The following ZBBX variants were observed in gnomAD, a reference collection of about 807,000 sequenced individuals.
ZBBX encodes the protein zinc finger B-box domain containing.
A neutral mutation model predicts 108.5 loss-of-function variants in ZBBX; 101 were observed. The ratio of observed to expected loss-of-function variants is 0.93; its 90% CI spans 0.79 to 1.10. The LOEUF (loss-of-function observed/expected upper bound fraction) is 1.10, where lower values mean the gene tolerates loss of function less well. ZBBX is among the 50% of genes least tolerant of loss of function. The probability of loss-of-function intolerance (pLI) is 0.00; values close to 1 mark genes in which losing one functional copy is unlikely to be tolerated. For missense variants in ZBBX, 1,009 were observed against 941.4 expected (o/e 1.07, Z -0.94); for synonymous variants, 356 against 323.4 (o/e 1.10, Z -1.08).
chr3:167,282,704 G>T, intron 19 of ZBBX: 1 of 452,098 alleles, frequency 2.2e-6, no homozygotes, highest in Non-Finnish European at 3.9e-6. Context: ...ACACTTCTGT[G>T]TATTTTTTTC....
At chr3:167,195,468 AC>A in the ZBBX span, among the ~76,000 whole-genome samples, 1 of 152,158 alleles carries the variant, frequency 6.6e-6, no homozygotes, top group Non-Finnish European at 1.5e-5. Flanking sequence ...TGCCAAACTA[AC>A]CCTTTTCCAA....
chr3:167,286,251 T>C (rs1729667744), intron 19 of ZBBX, among the ~76,000 whole-genome samples: 1 of 152,076 alleles, frequency 6.6e-6, no homozygotes, highest in South Asian at 2.1e-4. Flanking sequence ...AAAGTAAATG[T>C]GGCTACAGTG....
At chr3:167,367,174 A>C (rs554726823) in intron 5 of ZBBX, among the ~76,000 whole-genome samples, 1 of 152,004 alleles carries the variant, frequency 6.6e-6, no homozygotes, top group Non-Finnish European at 1.5e-5. Context: ...AGTACCAGCA[A>C]ACGGACATGA....
chr3:167,375,609 G>A (rs1026958990), intron 2 of ZBBX, among the ~76,000 whole-genome samples: 4 of 151,386 alleles, frequency 2.6e-5, no homozygotes, highest in African/African-American at 9.7e-5. Context: ...AAAAAAAAAA[G>A]AATCCATTAT....
chr3:167,207,371 T>A, the ZBBX span, among the ~76,000 whole-genome samples: 1 of 152,162 alleles, frequency 6.6e-6, no homozygotes, highest in African/African-American at 2.4e-5. Context: ...AGATAATGTG[T>A]TTTTTCCTAG....
At position 167,248,688 on chromosome 3, in the gene ZBBX, G is replaced by T. The variant is rs749912001; in HGVS notation, c.2255-6045C>A. The T allele has an allele frequency of 7.2e-5, 33 of 456,426 alleles. No homozygotes were observed. In the Admixed American group the frequency reaches 7.3e-4, roughly 10 times the overall value. The allele number at this position is 456,426 out of a possible 1,614,324, so 28.3% of individuals were successfully genotyped here. On this transcript the variant is annotated intron_variant, in intron 20 of 21. Transcript: ENST00000675490. The stretch of plus-strand genomic sequence containing the variant: ...CAAGGTTTGAAGGATTCAAAGCCAG[G>T]CAACAGGTATAATGTAAATGGGCAG...
chr3:167,387,656 G>A (rs895546430), intron 1 of ZBBX, among the ~76,000 whole-genome samples: 1 of 151,966 alleles, frequency 6.6e-6, no homozygotes, highest in African/African-American at 2.4e-5. Context: ...GAGAAGAGGT[G>A]GAAGGAAGTC....
At chr3:167,188,315 A>T in the ZBBX span, among the ~76,000 whole-genome samples, 2 of 152,138 alleles carry the variant, frequency 1.3e-5, no homozygotes, top group African/African-American at 4.8e-5. Flanking sequence ...GATAGATATA[A>T]AATATGTATT....
chr3:167,266,030 C>T (rs975674611), intron 20 of ZBBX, among the ~76,000 whole-genome samples: 36 of 152,186 alleles, frequency 2.4e-4, no homozygotes, highest in African/African-American at 7.7e-4. Flanking sequence ...CCTCTTTCCA[C>T]AACATGAAGT....
intron 18 of ZBBX, among the ~76,000 whole-genome samples, chr3:167,294,982 C>G (rs1485679153): frequency 2.0e-5 from 3 of 152,092 alleles, no homozygotes; most frequent in Non-Finnish European, 4.4e-5. Context: ...CATATCAAAA[C>G]CACAATGAGA....
intron 9 of ZBBX, among the ~76,000 whole-genome samples, chr3:167,338,370 C>A (rs1214211217): frequency 1.3e-5 from 2 of 151,996 alleles, no homozygotes; most frequent in Admixed American, 1.3e-4. Context: ...GAAGTTAAAG[C>A]CCAAGAATAA....
At chr3:167,263,383 T>C (rs1407511423) in intron 20 of ZBBX, among the ~76,000 whole-genome samples, 1 of 152,204 alleles carries the variant, frequency 6.6e-6, no homozygotes. Flanking sequence ...ATTTCTCTCC[T>C]ACTGCTTTCA....
At chr3:167,368,934 G>A (rs1240757303) in intron 4 of ZBBX, 1 of 179,278 alleles carries the variant, frequency 5.6e-6, no homozygotes, top group African/African-American at 2.4e-5. Context: ...TGCCTCCAAT[G>A]TAGTCAAGTA....
chr3:167,405,798 G>A (rs1242085036), intron 1 of ZBBX, among the ~76,000 whole-genome samples: 2 of 152,178 alleles, frequency 1.3e-5, no homozygotes, highest in South Asian at 2.1e-4. Flanking sequence ...CAGGCCGAGC[G>A]TGGTGGCTGA....
At chr3:167,362,377 G>T (rs967289643) in intron 6 of ZBBX, among the ~76,000 whole-genome samples, 1 of 151,962 alleles carries the variant, frequency 6.6e-6, no homozygotes, top group African/African-American at 2.4e-5. Context: ...TGCCACTGGG[G>T]TCAGAATATG....
At chr3:167,356,241 C>A (rs959120650) in intron 8 of ZBBX, among the ~76,000 whole-genome samples, 2 of 152,056 alleles carry the variant, frequency 1.3e-5, no homozygotes, top group African/African-American at 4.8e-5. Context: ...TTACAAATTT[C>A]TGGACAGCAA....
At position 167,240,916 on chromosome 3, in the gene ZBBX, A is replaced by G. The variant is rs371486956; in HGVS notation, c.2397T>C (p.Cys799=). 3 of 1,612,698 alleles carry G rather than the reference A, an allele frequency of 1.9e-6. No homozygotes were observed. Among genetic ancestry groups the G allele is most frequent in the African/African-American group, 2.7e-5 (2 of 74,876 alleles). The change falls in exon 22 of 22, where the codon TGT becomes TGC. Residue 799 remains cysteine (C), a synonymous_variant. Coordinates refer to ENST00000675490, the MANE Select transcript of ZBBX (RefSeq NM_001199201.2). Reference sequence around the variant, plus strand: ...ACTGAATTTTGGTATCTCTTCCAGAACAGCTGAAAATACATAACAAGATCA... The same window carrying G: ...ACTGAATTTTGGTATCTCTTCCAGAGCAGCTGAAAATACATAACAAGATCA... The part of the protein sequence containing the change: ...RGPCGVEELS[C]SGRDTKIQSL...
intron 18 of ZBBX, among the ~76,000 whole-genome samples, chr3:167,294,857 C>T (rs1462319584): frequency 6.6e-6 from 1 of 152,084 alleles, no homozygotes; most frequent in East Asian, 1.9e-4. Context: ...AAAAAACAAA[C>T]AACCCCATCC....
At chr3:167,333,781 T>C (rs374210243) in intron 10 of ZBBX, 46 bp downstream of exon 10, 712 of 1,469,506 alleles carry the variant, frequency 4.8e-4, no homozygotes, top group Non-Finnish European at 6.2e-4. Flanking sequence ...GCACCTGCCA[T>C]AGTTACATAT....
Sources: gnomAD v4.1 joint callset for allele counts (sites outside exome capture counted in the v4.1 genomes callset) on GRCh38, gnomAD v4.1.1 for gene constraint, MANE v1.5 for transcripts, NCBI Gene and HGNC (gene_info 2026-07-23, HGNC 2026-07-21) for gene names.